TBC1D30: variants seen among roughly 807,000 people sequenced by gnomAD.
TBC1D30 encodes the protein TBC1 domain family member 30.
Under a neutral mutation model 63.2 loss-of-function variants are expected in TBC1D30, and 31 were observed. The ratio of observed to expected loss-of-function variants is 0.49; its 90% CI spans 0.37 to 0.66. The LOEUF is 0.66. TBC1D30 is among the 30% of genes least tolerant of loss of function. The pLI is 0.00. For missense variants in TBC1D30, 810 were observed against 953.6 expected, an observed-to-expected ratio of 0.85 and a Z score of 1.98; for synonymous variants, 307 against 361.5, an observed-to-expected ratio of 0.85 and a Z score of 1.71.
chr12:64,768,737 G>T (rs1870803913), intron 1 of TBC1D30, among the ~76,000 whole-genome samples: 1 of 152,146 alleles, frequency 6.6e-6, no homozygotes, highest in Non-Finnish European at 1.5e-5. Context: ...ATGCAAGATT[G>T]CAAATATTTT....
intron 10 of TBC1D30, among the ~76,000 whole-genome samples, chr12:64,869,369 T>C (rs1327037761): frequency 2.0e-5 from 3 of 152,226 alleles, no homozygotes; most frequent in African/African-American, 7.2e-5. Context: ...TCAGCTTGTT[T>C]GAGTTTTAAC....
intron 1 of TBC1D30, among the ~76,000 whole-genome samples, chr12:64,782,105 C>G (rs1375620792): frequency 2.6e-5 from 4 of 151,530 alleles, no homozygotes; most frequent in Admixed American, 2.6e-4. Context: ...TAATAGCTTG[C>G]CTTTCAGGCA....
chr12:64,765,781 A>G (rs980500198), intron 1 of TBC1D30, among the ~76,000 whole-genome samples: 1 of 146,426 alleles, frequency 6.8e-6, no homozygotes, highest in Non-Finnish European at 1.5e-5. Flanking sequence ...AGATGGCTTG[A>G]GCCCAGGAGT....
At chr12:64,804,638 A>G (rs1872761001) in intron 2 of TBC1D30, among the ~76,000 whole-genome samples, 1 of 152,128 alleles carries the variant, frequency 6.6e-6, no homozygotes, top group Non-Finnish European at 1.5e-5. Context: ...CAATTTTCTG[A>G]TGTGTCAGAT....
At position 64,853,768 on chromosome 12, in the gene TBC1D30, C is replaced by T. The variant is rs569362590; in HGVS notation, c.1038+10283C>T. On this transcript the variant is annotated intron_variant, in intron 8 of 11. Coordinates refer to ENST00000539867, the MANE Select transcript of TBC1D30 (RefSeq NM_015279.2). ...GGGAGTTTCCCAACCCCTTGTGTTT[C>T]CTGGGTGAGGTGATGCCCCACCCTG... Among the ~76,000 whole-genome samples the T allele has an allele frequency of 2.6e-5, 4 of 152,324 alleles. No individual in the cohort carries two copies. In the South Asian group the frequency reaches 8.3e-4, roughly 32 times the overall value.
chr12:64,833,264 C>T (rs554824086), intron 5 of TBC1D30, among the ~76,000 whole-genome samples: 9 of 152,248 alleles, frequency 5.9e-5, no homozygotes, highest in South Asian at 2.1e-4. Flanking sequence ...TTGATGCCTA[C>T]GACCTTTATT....
chr12:64,825,058 G>A (rs1023922856), intron 1 of TBC1D30, 25 bp downstream of exon 1: 2 of 1,523,818 alleles, frequency 1.3e-6, no homozygotes, highest in Admixed American at 2.0e-5. Flanking sequence ...GCTGCAGATG[G>A]GGCGCTGTAA....
intron 2 of TBC1D30, among the ~76,000 whole-genome samples, chr12:64,828,157 T>C (rs1874527028): frequency 6.6e-6 from 1 of 152,242 alleles, no homozygotes. Flanking sequence ...TAATGTCTTT[T>C]ATTCTGAACC....
At chr12:64,865,126 A>G (rs1157483938) in intron 9 of TBC1D30, among the ~76,000 whole-genome samples, 2 of 151,716 alleles carry the variant, frequency 1.3e-5, no homozygotes, top group East Asian at 3.9e-4. Flanking sequence ...TTGACAATTG[A>G]TAAAGAGTTT....
Position 64,864,721 on chromosome 12 carries a change from A to G in TBC1D30, c.1092A>G (p.Glu364=), listed in dbSNP as rs770272469. 85 of 1,536,392 alleles carry G rather than the reference A, an allele frequency of 5.5e-5. No homozygotes were observed. The highest frequency in any genetic ancestry group is 1.7e-4 in the Middle Eastern group (1 of 5,992). ...FPFPQLAELR[E]KYTYNITPFP... is the part of the protein sequence containing the mutation. ...TCCCACAATTGGCAGAGTTGAGGGA[A>G]AAATACACCTACAACATTACACCGT... The change falls in exon 9 of 12, where the codon GAA becomes GAG. Residue 364 remains glutamate (E), a synonymous_variant. Coordinates refer to ENST00000539867, the MANE Select transcript of TBC1D30 (RefSeq NM_015279.2).
Position 64,784,631 on chromosome 12 carries a change from C to T in TBC1D30, c.479-1250C>T, listed in dbSNP as rs141667198. On this transcript the variant is annotated intron_variant, in intron 1 of 12. Coordinates refer to the TBC1D30 transcript ENST00000542120. ...AATGTGACCAAAAAAAACCTCCTCC[C>T]AAATCGTAATGATCATTTATATAAA... is the stretch of plus-strand genomic sequence containing the variant. 2.5e-4 allele frequency among the ~76,000 whole-genome samples: 38 copies of T among 151,012 alleles called. No homozygotes were observed. In the East Asian group the frequency reaches 7.2e-3, roughly 28 times the overall value.
intron 7 of TBC1D30, 103 bp downstream of exon 7, chr12:64,838,954 G>T: frequency 2.6e-6 from 3 of 1,161,012 alleles, no homozygotes; most frequent in East Asian, 2.6e-5. Flanking sequence ...TGAGAAAGTT[G>T]TGAACTTTTA....
At chr12:64,841,525 C>G (rs983258524) in intron 7 of TBC1D30, among the ~76,000 whole-genome samples, 2 of 152,178 alleles carry the variant, frequency 1.3e-5, no homozygotes, top group Non-Finnish European at 2.9e-5. Flanking sequence ...AAAGCCTTTT[C>G]GTGACTCATG....
Position 64,824,838 on chromosome 12 carries a change from C to T in TBC1D30, c.-42C>T, listed in dbSNP as rs1476087529. The T allele has an allele frequency of 3.9e-6, 6 of 1,524,444 alleles. No individual in the cohort carries two copies. In the African/African-American group the frequency reaches 4.1e-5, roughly 10 times the overall value. The allele number at this position is 1,524,444 out of a possible 1,614,324, so 94.4% of individuals were successfully genotyped here. A position where few individuals can be genotyped will look rare whatever the true frequency, so the allele number is the denominator to read the frequency against. On this transcript the variant is annotated 5_prime_UTR_variant, in exon 1 of 12. Coordinates refer to ENST00000539867, the MANE Select transcript of TBC1D30 (RefSeq NM_015279.2). ...GCTCAGCGAGTGGGGTAGCGGGGAC[C>T]GAGACGGACGGTAGCCGTGCCAGAG...
intron 1 of TBC1D30, among the ~76,000 whole-genome samples, chr12:64,765,845 A>AC (rs1356665215): frequency 1.3e-5 from 2 of 151,112 alleles, no homozygotes; most frequent in African/African-American, 4.9e-5. Flanking sequence ...AAAAAAAAAA[A>AC]AAATACAATA....
chr12:64,821,416 T>G (rs144315391), upstream of TBC1D30, among the ~76,000 whole-genome samples: 88 of 152,184 alleles, frequency 5.8e-4, no homozygotes, highest in Non-Finnish European at 9.1e-4. Context: ...ACAGAGCTGA[T>G]TGCTTGTCCT....
chr12:64,860,807 T>C (rs1158894973), intron 8 of TBC1D30, among the ~76,000 whole-genome samples: 1 of 152,212 alleles, frequency 6.6e-6, no homozygotes, highest in Non-Finnish European at 1.5e-5. Context: ...TTTCTCAGAT[T>C]GTCTAGTGGC....
chr12:64,759,611 C>T (rs549792020), exon 1 of TBC1D30: 1 of 355,972 alleles, frequency 2.8e-6, no homozygotes, highest in South Asian at 4.3e-5. Context: ...GGGCGGAGAA[C>T]CGGGAAAAGG....
At chr12:64,775,328 A>C (rs143982802) in intron 1 of TBC1D30, among the ~76,000 whole-genome samples, 370 of 152,294 alleles carry the variant, frequency 2.4e-3, no homozygotes, top group African/African-American at 8.4e-3. Context: ...TAAAAGACAC[A>C]GAATGGCAAG....
Sources: allele counts gnomAD v4.1 joint callset (sites outside exome capture counted in the v4.1 genomes callset), GRCh38; gene constraint gnomAD v4.1.1; transcripts MANE v1.5; gene names NCBI Gene and HGNC (gene_info 2026-07-23, HGNC 2026-07-21).